Variants in ABLIM2 observed in about 807,000 individuals in gnomAD.
ABLIM2 encodes the protein actin-binding LIM protein 2.
A neutral mutation model predicts 97.7 loss-of-function variants in ABLIM2; 53 were observed. That is an observed-to-expected ratio of 0.54 (90% CI 0.44 to 0.68). The LOEUF (loss-of-function observed/expected upper bound fraction) is 0.68. ABLIM2 is among the 30% of genes least tolerant of loss of function. The probability of loss-of-function intolerance (pLI) is 0.00; values close to 1 mark genes in which losing one functional copy is unlikely to be tolerated. For missense variants in ABLIM2, 835 were observed against 867.2 expected (o/e 0.96, Z 0.47); for synonymous variants, 361 against 345.8 (o/e 1.04, Z -0.49).
chr4:8,073,814 A>G (rs1814002255), intron 6 of ABLIM2, among the ~76,000 whole-genome samples: 2 of 152,292 alleles, frequency 1.3e-5, no homozygotes, highest in South Asian at 4.1e-4. Flanking sequence ...AAGGTTGGGC[A>G]TGGTGGCTCA....
At position 8,124,580 on chromosome 4, in the gene ABLIM2, T is replaced by A. The variant is rs2152899708; in HGVS notation, c.11-17943A>T. Among the ~76,000 whole-genome samples the A allele has an allele frequency of 6.6e-6, 1 of 152,268 alleles. No individual in the cohort carries two copies. The highest frequency in any genetic ancestry group is 1.5e-5 in the Non-Finnish European group (1 of 68,018). ...GGGAGTGTCCGTGGTGTGGTGGGCGTCAGTGCCTCTTTCCTTTTGATGGCT... is the reference window on the plus strand; with the variant it reads ...GGGAGTGTCCGTGGTGTGGTGGGCGACAGTGCCTCTTTCCTTTTGATGGCT... On this transcript the variant is annotated intron_variant, in intron 1 of 20. Coordinates refer to ENST00000447017, the MANE Select transcript of ABLIM2 (RefSeq NM_001130083.2). This position sits in a 1 kb window ranked among gnomAD's most constrained non-coding sequence, Gnocchi z 6.1.
At chr4:8,143,266 C>T (rs1279074935) in intron 1 of ABLIM2, among the ~76,000 whole-genome samples, 3 of 152,042 alleles carry the variant, frequency 2.0e-5, no homozygotes, top group East Asian at 3.9e-4. Flanking sequence ...CAGCGGTCTC[C>T]ACCCCTCTAA....
intron 11 of ABLIM2, among the ~76,000 whole-genome samples, chr4:8,028,539 TC>T (rs1184879936): frequency 6.6e-6 from 1 of 152,202 alleles, no homozygotes; most frequent in African/African-American, 2.4e-5. Flanking sequence ...ATTCATTAAT[TC>T]ATTCACTCAC....
intron 11 of ABLIM2, among the ~76,000 whole-genome samples, chr4:8,029,398 C>T (rs1221191419): frequency 1.3e-5 from 2 of 152,162 alleles, no homozygotes; most frequent in Non-Finnish European, 2.9e-5. Flanking sequence ...CTGTGTGCTC[C>T]ACGGAGGGCT....
At chr4:8,056,302 TTTC>T (rs1473801796) in intron 7 of ABLIM2, among the ~76,000 whole-genome samples, 165 of 132,670 alleles carry the variant, frequency 1.2e-3, no homozygotes, top group South Asian at 9.6e-3. Context: ...TCTTTCTTTC[TTTC>T]TTTTTTTTTT....
At chr4:8,153,766 C>T (rs1402192952) in intron 1 of ABLIM2, among the ~76,000 whole-genome samples, 2 of 152,130 alleles carry the variant, frequency 1.3e-5, no homozygotes, top group Non-Finnish European at 2.9e-5. Flanking sequence ...GAAAAGGGCA[C>T]ACAATGAAGA....
intron 14 of ABLIM2, chr4:8,010,337 T>C (rs1764117989): frequency 3.1e-6 from 3 of 980,456 alleles, no homozygotes; most frequent in Non-Finnish European, 3.6e-6. Context: ...ACTGACCCCA[T>C]GCACTGAACA....
chr4:8,071,844 C>A lies in ABLIM2; in HGVS notation c.675+5784G>T, dbSNP rs1006374879. On this transcript the variant is annotated intron_variant, in intron 6 of 20. Coordinates refer to ENST00000447017, the MANE Select transcript of ABLIM2 (RefSeq NM_001130083.2). The surrounding 1 kb of genome is among the most constrained non-coding windows in gnomAD (Gnocchi z 6.2). ...CCGTGCTCCCTGGAACGTGTGCCTG[C>A]GAGGGTGGACACCCTCACCTTCAGC... 1.3e-5 allele frequency: 13 copies of A among 985,296 alleles called. No homozygotes were observed. The highest frequency in any genetic ancestry group is 4.7e-5 in the South Asian group (1 of 21,292). 61.0% of individuals were successfully genotyped at this position (985,296 alleles called of 1,614,324 possible). A position where few individuals can be genotyped will look rare whatever the true frequency, so the allele number is the denominator to read the frequency against.
In ABLIM2 at chr4:8,072,773, G is replaced by A. The variant is rs560637882; in HGVS notation, c.675+4855C>T. On this transcript the variant is annotated intron_variant, in intron 6 of 20. Coordinates refer to ENST00000447017, the MANE Select transcript of ABLIM2 (RefSeq NM_001130083.2). This position sits in a 1 kb window ranked among gnomAD's most constrained non-coding sequence, Gnocchi z 5.8. ...GGCGGAGGGAGAGTGCCTGCATGTGGTGTTGGCCTGGCTGAGCATCAGAGC... is the reference window on the plus strand; with the variant it reads ...GGCGGAGGGAGAGTGCCTGCATGTGATGTTGGCCTGGCTGAGCATCAGAGC... Among the ~76,000 whole-genome samples, 31 of 152,310 alleles carry A rather than the reference G, an allele frequency of 2.0e-4. No homozygotes were observed. The highest frequency in any genetic ancestry group is 7.5e-4 in the African/African-American group (31 of 41,574).
chr4:8,035,968 C>T (rs115339566), intron 10 of ABLIM2, among the ~76,000 whole-genome samples, 181 bp downstream of exon 10: 3,380 of 152,280 alleles, frequency 0.022, 109 homozygotes, highest in African/African-American at 0.076. Flanking sequence ...GTGCCTTGGG[C>T]ATTACTGAAA....
rs535296962 is a variant in ABLIM2 at position 8,137,607 on chromosome 4, G to T, written c.10+21073C>A. 2.7e-4 allele frequency among the ~76,000 whole-genome samples: 41 copies of T among 152,366 alleles called. No homozygotes were observed. In the East Asian group the frequency reaches 7.5e-3, roughly 28 times the overall value. Reference sequence around the variant, plus strand: ...TGGTGAAGAAGGGATGGGAGGTGCAGTTGGCGAGAGGCAGCCACGTCGCAG... The same window carrying T: ...TGGTGAAGAAGGGATGGGAGGTGCATTTGGCGAGAGGCAGCCACGTCGCAG... On this transcript the variant is annotated intron_variant, in intron 1 of 20. Coordinates refer to ENST00000447017, the MANE Select transcript of ABLIM2 (RefSeq NM_001130083.2).
At position 8,125,122 on chromosome 4, in the gene ABLIM2, C is replaced by T. The variant is rs190087317; in HGVS notation, c.11-18485G>A. ...ATTCGTATATTCGAGATACAAGTCC[C>T]GTGTCAGCTTGCTAATTTGCAAATA... On this transcript the variant is annotated intron_variant, in intron 1 of 20. Coordinates refer to ENST00000447017, the MANE Select transcript of ABLIM2 (RefSeq NM_001130083.2). The surrounding 1 kb of genome is among the most constrained non-coding windows in gnomAD (Gnocchi z 6.2). Among the ~76,000 whole-genome samples, 13 of 152,260 alleles carry T rather than the reference C, an allele frequency of 8.5e-5. No individual in the cohort carries two copies. Among genetic ancestry groups the T allele is most frequent in the African/African-American group, 2.9e-4 (12 of 41,548 alleles).
chr4:8,047,084 C>T (rs1026951953), intron 8 of ABLIM2, among the ~76,000 whole-genome samples: 13 of 152,310 alleles, frequency 8.5e-5, no homozygotes, highest in African/African-American at 1.2e-4. Context: ...CTACACTCAG[C>T]GCACACCAGC....
At chr4:8,088,989 A>G (rs1221234727) in intron 3 of ABLIM2, among the ~76,000 whole-genome samples, 2 of 152,204 alleles carry the variant, frequency 1.3e-5, no homozygotes, top group African/African-American at 4.8e-5. Flanking sequence ...ATGCTGGACA[A>G]TCGGATCCTG....
intron 20 of ABLIM2, among the ~76,000 whole-genome samples, chr4:7,973,198 G>A (rs13129349): frequency 1.3e-5 from 2 of 151,740 alleles, no homozygotes; most frequent in African/African-American, 2.4e-5. Flanking sequence ...AGCCTTGGCT[G>A]CTGGAGGAAG....
At chr4:8,091,580 AT>A (rs1304273771) in intron 3 of ABLIM2, among the ~76,000 whole-genome samples, 1 of 33,452 alleles carries the variant, frequency 3.0e-5, no homozygotes, top group Non-Finnish European at 4.4e-5. Flanking sequence ...ATAATTTTAT[AT>A]AAAATTATAT....
rs1364177641 is a variant in ABLIM2 at position 8,155,320 on chromosome 4, CTG to C, written c.10+3358_10+3359del. 1.3e-5 allele frequency among the ~76,000 whole-genome samples: 2 copies of C among 152,216 alleles called. No individual in the cohort carries two copies. The highest frequency in any genetic ancestry group is 2.1e-4 in the South Asian group (1 of 4,834). On this transcript the variant is annotated intron_variant, in intron 1 of 20. Transcript: ENST00000447017. This position sits in a 1 kb window ranked among gnomAD's most constrained non-coding sequence, Gnocchi z 4.2. ...TTGGATTAGGTGAAGAAATGTGTCT[CTG>C]TTCCAAATACTAGGATCTGCACCGT...
intron 20 of ABLIM2, among the ~76,000 whole-genome samples, chr4:7,968,656 C>A (rs147875848): frequency 1.1e-4 from 17 of 152,242 alleles, no homozygotes; most frequent in Non-Finnish European, 2.2e-4. Context: ...AGCATGGATT[C>A]GTGGTCGCCA....
At chr4:8,086,284 CAAAAAA>C (rs140575003) in intron 4 of ABLIM2, among the ~76,000 whole-genome samples, 2 of 129,076 alleles carry the variant, frequency 1.5e-5, no homozygotes, top group Non-Finnish European at 1.6e-5. Flanking sequence ...TTGAAAACCT[CAAAAAA>C]AAAAAAAAAA....
Sources: allele counts gnomAD v4.1 joint callset (sites outside exome capture counted in the v4.1 genomes callset), GRCh38; gene constraint gnomAD v4.1.1; non-coding constraint Gnocchi (gnomAD v3.1); transcripts MANE v1.5; gene names NCBI Gene and HGNC (gene_info 2026-07-23, HGNC 2026-07-21).